Variants in PCDHA7 observed in about 807,000 individuals in gnomAD.
PCDHA7 encodes the protein protocadherin alpha 7, also known as protocadherin alpha-7.
PCDHA7 carries 37 observed loss-of-function variants against 57.2 expected under a neutral mutation model. The ratio of observed to expected loss-of-function variants is 0.65; its 90% CI spans 0.50 to 0.85. The LOEUF is 0.85. Among genes scored for constraint, PCDHA7 ranks in the 40% least tolerant of loss-of-function variants. The pLI is 0.00. For missense variants in PCDHA7, 1,188 were observed against 1,241.8 expected (o/e 0.96, Z 0.65); for synonymous variants, 553 against 558.8 (o/e 0.99, Z 0.15).
intron 1 of PCDHA7, chr5:140,883,167 G>A (rs781855278): frequency 6.2e-7 from 1 of 1,613,864 alleles, no homozygotes; most frequent in East Asian, 2.2e-5. Context: ...CCGAACAATG[G>A]AGAAATTAGG....
chr5:140,966,280 G>C (rs782249047), intron 1 of PCDHA7: 3 of 365,660 alleles, frequency 8.2e-6, no homozygotes, highest in African/African-American at 4.2e-5. Flanking sequence ...CTGGACAGTG[G>C]GGGTAGGGAG....
At chr5:141,004,412 A>G (rs2098165544) in intron 3 of PCDHA7, among the ~76,000 whole-genome samples, 1 of 152,164 alleles carries the variant, frequency 6.6e-6, no homozygotes, top group South Asian at 2.1e-4. Flanking sequence ...ACCTGACTAG[A>G]TCTCTGCCTC....
intron 1 of PCDHA7, chr5:140,843,947 C>G: frequency 1.8e-6 from 1 of 565,064 alleles, no homozygotes; most frequent in Non-Finnish European, 3.1e-6. Context: ...GGATGATATC[C>G]ATTTTTTACT....
At chr5:140,948,245 A>G (rs1554218500) in intron 1 of PCDHA7, among the ~76,000 whole-genome samples, 2 of 151,606 alleles carry the variant, frequency 1.3e-5, no homozygotes, top group African/African-American at 4.8e-5. Flanking sequence ...TTTAGTAAAT[A>G]TTTTTACATC....
At chr5:140,903,824 T>A (rs1439298617) in intron 1 of PCDHA7, among the ~76,000 whole-genome samples, 3 of 152,202 alleles carry the variant, frequency 2.0e-5, no homozygotes, top group Admixed American at 2.0e-4. Context: ...CACATGAATG[T>A]CTGTTGGTAT....
At chr5:140,978,030 A>T (rs2096786422) in intron 1 of PCDHA7, among the ~76,000 whole-genome samples, 1 of 152,194 alleles carries the variant, frequency 6.6e-6, no homozygotes, top group Non-Finnish European at 1.5e-5. Flanking sequence ...GCTTACTGAT[A>T]CAAGACAGTG....
In PCDHA7 at chr5:140,835,966, T is replaced by C. The variant is rs2150249207; in HGVS notation, c.1583T>C (p.Leu528Pro). The C allele has an allele frequency of 5.6e-6, 9 of 1,613,230 alleles. 1 individual carries two copies. In the South Asian group the frequency reaches 8.8e-5, roughly 16 times the overall value. Residue 528 changes from leucine to proline, a missense_variant, in exon 1 of 4, where the codon CTG becomes CCG. Around this residue, in one of 3 missense-constraint regions of PCDHA7, gnomAD observed 892 missense variants for 788.5 expected, o/e 1.13. Transcript: ENST00000525929. ...CTGCAGCCGTTGGACCACGAGGAGC[T>C]GGAGCTGTTGCAGTTCCAGGTGAGC... is the stretch of plus-strand genomic sequence containing the variant. ...YALQPLDHEE[L>P]ELLQFQVSAR...
In PCDHA7 at chr5:140,834,455, G is replaced by A. The variant is rs1554134225; in HGVS notation, c.72G>A (p.Trp24Ter). Reference sequence around the variant, plus strand: ...TGTTTATTATAATTCTAGCAGCTTGGGAGGCAGGGAGAGGCCAGCTCCACT... The same window carrying A: ...TGTTTATTATAATTCTAGCAGCTTGAGAGGCAGGGAGAGGCCAGCTCCACT... ...LLLFIIILAA[W>*]EAGRGQLHYS... The change falls in exon 1 of 4, where the codon TGG becomes TGA. Residue 24 changes from tryptophan to a stop codon, truncating the protein, a stop_gained. Transcript: ENST00000525929. LOFTEE classifies it high-confidence loss of function. The A allele has an allele frequency of 3.1e-6, 5 of 1,614,018 alleles. No homozygotes were observed. The highest frequency in any genetic ancestry group is 4.2e-6 in the Non-Finnish European group (5 of 1,180,038).
At chr5:140,853,256 C>T (rs943963814) in intron 1 of PCDHA7, 1 of 973,952 alleles carries the variant, frequency 1.0e-6, no homozygotes, top group Non-Finnish European at 1.2e-6. Context: ...TCTATTCTCT[C>T]TCAGAGTACA....
rs2150461190 is a variant in PCDHA7 at position 140,849,977 on chromosome 5, G to C, written c.2355+13239G>C. On this transcript the variant is annotated intron_variant, in intron 1 of 3. Coordinates refer to ENST00000525929, the MANE Select transcript of PCDHA7 (RefSeq NM_018910.3). ...AGAACGCCCTGGTGTCCTACTCGCT[G>C]GTGGAGCGGCGGTTGGGCGAGCGCT... 2.2e-5 allele frequency: 35 copies of C among 1,597,540 alleles called. 4 individuals are homozygous for C. The highest frequency in any genetic ancestry group is 3.0e-5 in the Non-Finnish European group (35 of 1,167,900).
At chr5:140,965,861 T>C (rs971753310) in intron 1 of PCDHA7, among the ~76,000 whole-genome samples, 3 of 152,192 alleles carry the variant, frequency 2.0e-5, no homozygotes, top group African/African-American at 7.2e-5. Flanking sequence ...ACACTGAAAA[T>C]AAGGGCCACT....
Position 140,836,548 on chromosome 5 carries a change from G to C in PCDHA7, c.2165G>C (p.Arg722Pro), listed in dbSNP as rs2150263673. 1 of 1,613,752 alleles carries C rather than the reference G, an allele frequency of 6.2e-7. No individual in the cohort carries two copies. Among genetic ancestry groups the C allele is most frequent in the South Asian group, 1.1e-5 (1 of 91,066 alleles). ...VLTLLLYTAL[R>P]CSAPSSEGAC... ...ACCCTGCTGCTGTACACGGCGTTGC[G>C]GTGCTCAGCGCCGTCCTCTGAGGGC... is the stretch of plus-strand genomic sequence containing the variant. Residue 722 changes from arginine to proline, a missense_variant, in exon 1 of 4, where the codon CGG becomes CCG. By Grantham distance (103) the Arg-to-Pro change is moderately radical. Coordinates refer to ENST00000525929, the MANE Select transcript of PCDHA7 (RefSeq NM_018910.3).
intron 1 of PCDHA7, among the ~76,000 whole-genome samples, chr5:140,938,642 CCTT>C (rs1554212266): frequency 6.6e-6 from 1 of 151,942 alleles, no homozygotes; most frequent in East Asian, 1.9e-4. Flanking sequence ...GATGTATAAT[CCTT>C]CTTTATATCA....
intron 1 of PCDHA7, among the ~76,000 whole-genome samples, chr5:140,918,322 A>G (rs538027862): frequency 1.1e-4 from 16 of 152,220 alleles, no homozygotes; most frequent in African/African-American, 2.6e-4. Context: ...GTATAAAATT[A>G]TATTGTCTGC....
chr5:141,001,381 A>G (rs1213919091), intron 3 of PCDHA7, among the ~76,000 whole-genome samples: 1 of 152,218 alleles, frequency 6.6e-6, no homozygotes, highest in Non-Finnish European at 1.5e-5. Context: ...TACAGAGCCT[A>G]AGATCCTACA....
chr5:140,884,577 T>G, intron 1 of PCDHA7: 1 of 1,614,230 alleles, frequency 6.2e-7, no homozygotes, highest in Non-Finnish European at 8.5e-7. Context: ...ACGGACCTCA[T>G]GGCCTTCAGT....
At position 140,856,269 on chromosome 5, in the gene PCDHA7, T is replaced by C. The variant is rs367902357; in HGVS notation, c.2355+19531T>C. On this transcript the variant is annotated intron_variant, in intron 1 of 3. Transcript: ENST00000525929. ...GCGTCCAAAAGACACGGGGACCTTC[T>C]GGAGGTAAATCTGCAGAATGGCATT... 5.2e-5 allele frequency: 83 copies of C among 1,598,182 alleles called. 3 individuals are homozygous for C. In the South Asian group the frequency reaches 5.5e-4, roughly 11 times the overall value.
chr5:141,004,094 G>A (rs962663466), intron 3 of PCDHA7, among the ~76,000 whole-genome samples: 1 of 152,194 alleles, frequency 6.6e-6, no homozygotes, highest in Non-Finnish European at 1.5e-5. Context: ...TGCTTCTTCC[G>A]TTTTCATCTT....
intron 1 of PCDHA7, among the ~76,000 whole-genome samples, chr5:140,895,742 G>T (rs2065139471): frequency 6.6e-6 from 1 of 152,110 alleles, no homozygotes; most frequent in South Asian, 2.1e-4. Context: ...GGGCTGCAAA[G>T]GGCATGATCT....
Sources: gnomAD v4.1 joint callset for allele counts (sites outside exome capture counted in the v4.1 genomes callset) on GRCh38, gnomAD v4.1.1 for gene constraint, gnomAD v4.1.1 regional missense constraint, MANE v1.5 for transcripts, NCBI Gene and HGNC (gene_info 2026-07-23, HGNC 2026-07-21) for gene names.